Variants in KCNT2 observed in about 807,000 individuals in gnomAD.
The protein encoded by KCNT2 is potassium channel subfamily T member 2.
A neutral mutation model predicts 153.8 loss-of-function variants in KCNT2; 67 were observed. The observed-to-expected ratio is 0.44, with a 90% CI of 0.36 to 0.53. The LOEUF is 0.53. Ranked by LOEUF, KCNT2 falls within the 20% of genes least tolerant of loss-of-function variation. The pLI is 0.00. For synonymous variants in KCNT2, 500 were observed against 458.8 expected, an observed-to-expected ratio of 1.09 and a Z score of -1.15; for missense variants, 975 against 1,354.8, an observed-to-expected ratio of 0.72 and a Z score of 4.40.
intron 23 of KCNT2, among the ~76,000 whole-genome samples, chr1:196,285,003 T>C: frequency 6.6e-6 from 1 of 152,354 alleles, no homozygotes; most frequent in Non-Finnish European, 1.5e-5. Flanking sequence ...TATTTAGAGA[T>C]TGTCTGATTA....
intron 5 of KCNT2, among the ~76,000 whole-genome samples, chr1:196,472,058 C>T (rs568628508): frequency 6.6e-6 from 1 of 152,206 alleles, no homozygotes; most frequent in African/African-American, 2.4e-5. Context: ...GACTTTTGCC[C>T]ACATCTGTCC....
At chr1:196,353,829 T>C (rs1666954380) in intron 14 of KCNT2, among the ~76,000 whole-genome samples, 1 of 151,946 alleles carries the variant, frequency 6.6e-6, no homozygotes, top group Non-Finnish European at 1.5e-5. Context: ...AAGAACCTTA[T>C]ATAGTTTTGT....
rs76937152 is a variant in KCNT2 at position 196,257,763 on chromosome 1, A to G, written c.3211+431T>C. ...ATTTTGTTTCTAAACCACATACACTAAACAAATTTTATAAGAACATTTTGG... is the reference window on the plus strand; with the variant it reads ...ATTTTGTTTCTAAACCACATACACTGAACAAATTTTATAAGAACATTTTGG... On this transcript the variant is annotated intron_variant, in intron 26 of 27. Coordinates refer to ENST00000294725, the MANE Select transcript of KCNT2 (RefSeq NM_198503.5). The G allele has an allele frequency of 3.2e-3, 3,157 of 983,562 alleles. 300 individuals carry two copies. The East Asian group carries it at 0.23, about 73-fold the overall frequency. The allele number at this position is 983,562 out of a possible 1,614,324, so 60.9% of individuals were successfully genotyped here. A position where few individuals can be genotyped will look rare whatever the true frequency, so the allele number is the denominator to read the frequency against.
chr1:196,336,641 C>T (rs1489990078), intron 16 of KCNT2, among the ~76,000 whole-genome samples: 7 of 152,144 alleles, frequency 4.6e-5, no homozygotes, highest in Non-Finnish European at 8.8e-5. Flanking sequence ...CTTTCCCAAA[C>T]GTAGTCCAAT....
rs375625061 is a variant in KCNT2 at position 196,251,831 on chromosome 1, CATT to C, written c.3211+6360_3211+6362del. On this transcript the variant is annotated intron_variant, in intron 26 of 27. Coordinates refer to ENST00000294725, the MANE Select transcript of KCNT2 (RefSeq NM_198503.5). ...TATTAACCCTGATGTGATTATTATG[CATT>C]ATTTGCCTTTATCAAAAGACCTCAT... Among the ~76,000 whole-genome samples, 179 of 151,950 alleles carry C rather than the reference CATT, an allele frequency of 1.2e-3. 1 individual carries two copies. Among genetic ancestry groups the C allele is most frequent in the African/African-American group, 4.2e-3 (173 of 41,522 alleles).
intron 27 of KCNT2, among the ~76,000 whole-genome samples, chr1:196,231,442 A>C (rs1223000709): frequency 2.0e-5 from 3 of 151,898 alleles, no homozygotes; most frequent in Non-Finnish European, 4.4e-5. Flanking sequence ...GAATTAAAAC[A>C]AAATCACAAA....
chr1:196,474,964 T>C (rs1678403214), intron 5 of KCNT2, among the ~76,000 whole-genome samples: 1 of 152,184 alleles, frequency 6.6e-6, no homozygotes. Context: ...TTCTAGGTAA[T>C]TTCGCTTTAA....
At position 196,226,485 on chromosome 1, in the gene KCNT2, C is replaced by A. The variant is rs1052135390; in HGVS notation, c.*1739G>T. On this transcript the variant is annotated 3_prime_UTR_variant, in exon 28 of 28. Coordinates refer to ENST00000294725, the MANE Select transcript of KCNT2 (RefSeq NM_198503.5). ...AAGGCATGCTCCCAATTTTAGCTAA[C>A]CTGTTATAAATTCTACTTCTCTGAT... The A allele has an allele frequency of 1.3e-5, 2 of 151,892 alleles. No homozygotes were observed. The highest frequency in any genetic ancestry group is 4.8e-5 in the African/African-American group (2 of 41,430). The allele number at this position is 151,892 out of a possible 1,614,324, so 9.4% of individuals were successfully genotyped here. A position where few individuals can be genotyped will look rare whatever the true frequency, so the allele number is the denominator to read the frequency against.
chr1:196,270,563 C>T (rs745704954), intron 25 of KCNT2, among the ~76,000 whole-genome samples: 8 of 152,052 alleles, frequency 5.3e-5, no homozygotes, highest in Non-Finnish European at 1.2e-4. Flanking sequence ...TGTATAAACA[C>T]ACAAATTCAA....
intron 20 of KCNT2, among the ~76,000 whole-genome samples, chr1:196,318,563 G>T (rs1177669863): frequency 6.6e-6 from 1 of 151,632 alleles, no homozygotes; most frequent in Admixed American, 6.6e-5. Context: ...TACCTCAAAA[G>T]ATTTCAAAAA....
At position 196,368,054 on chromosome 1, in the gene KCNT2, G is replaced by A. The variant is rs192056619; in HGVS notation, c.1403+5086C>T. Among the ~76,000 whole-genome samples the A allele has an allele frequency of 1.4e-3, 219 of 151,186 alleles. 6 individuals are homozygous for A. In the East Asian group the frequency reaches 0.041, roughly 28 times the overall value. On this transcript the variant is annotated intron_variant, in intron 14 of 27. Transcript: ENST00000294725. The stretch of plus-strand genomic sequence containing the variant: ...GTGCTCTGATGACGTCACTGAGTCA[G>A]ATAGCCTGCTCTGGATGCTGAACCC...
At chr1:196,386,509 T>C (rs1453546986) in intron 13 of KCNT2, among the ~76,000 whole-genome samples, 1 of 152,120 alleles carries the variant, frequency 6.6e-6, no homozygotes, top group African/African-American at 2.4e-5. Flanking sequence ...ATTATTGTAG[T>C]TCTTATGTTA....
intron 8 of KCNT2, among the ~76,000 whole-genome samples, chr1:196,459,302 T>C (rs971037008): frequency 2.0e-5 from 3 of 151,640 alleles, no homozygotes; most frequent in African/African-American, 7.3e-5. Flanking sequence ...TGCCCTAATG[T>C]ACAAACATGG....
intron 1 of KCNT2, among the ~76,000 whole-genome samples, chr1:196,506,782 G>C (rs1485294418): frequency 2.6e-5 from 4 of 152,052 alleles, no homozygotes; most frequent in Admixed American, 2.6e-4. Flanking sequence ...TCATTAACAG[G>C]CTTTCTAGTG....
intron 12 of KCNT2, among the ~76,000 whole-genome samples, chr1:196,413,786 T>C (rs1326867657): frequency 6.6e-6 from 1 of 151,662 alleles, no homozygotes; most frequent in Non-Finnish European, 1.5e-5. Flanking sequence ...AAATTTTATA[T>C]AGACACACAT....
At chr1:196,507,296 C>T (rs1320875763) in intron 1 of KCNT2, among the ~76,000 whole-genome samples, 2 of 152,066 alleles carry the variant, frequency 1.3e-5, no homozygotes, top group Non-Finnish European at 2.9e-5. Flanking sequence ...GAAAAATTAT[C>T]CAGAACTTGA....
chr1:196,230,892 G>A (rs1653891980), intron 27 of KCNT2, among the ~76,000 whole-genome samples: 1 of 151,886 alleles, frequency 6.6e-6, no homozygotes, highest in African/African-American at 2.4e-5. Context: ...GTAGCAGCAG[G>A]GTTTGAAAGG....
At chr1:196,247,738 G>A (rs1413270855) in intron 26 of KCNT2, among the ~76,000 whole-genome samples, 1 of 152,036 alleles carries the variant, frequency 6.6e-6, no homozygotes, top group African/African-American at 2.4e-5. Context: ...CTCCCAGCAG[G>A]TCCCTCCCAC....
At chr1:196,284,302 G>T (rs1349891218) in intron 23 of KCNT2, among the ~76,000 whole-genome samples, 1 of 99,586 alleles carries the variant, frequency 1.0e-5, no homozygotes, top group Non-Finnish European at 2.0e-5. Context: ...TCTTTCTTCC[G>T]AAGTTTCAGA....
Sources: gnomAD v4.1 joint callset for allele counts (sites outside exome capture counted in the v4.1 genomes callset) on GRCh38, gnomAD v4.1.1 for gene constraint, MANE v1.5 for transcripts, NCBI Gene and HGNC (gene_info 2026-07-23, HGNC 2026-07-21) for gene names.